CD163L1: variants seen among roughly 807,000 people sequenced by gnomAD.
CD163L1 encodes CD163 molecule like 1.
In CD163L1, 124 loss-of-function variants were observed where a neutral mutation model predicts 165.4. That is an observed-to-expected ratio of 0.75 (90% CI 0.65 to 0.87). CD163L1 has a LOEUF of 0.87. Ranked by LOEUF, CD163L1 falls within the 40% of genes least tolerant of loss-of-function variation. The pLI is 0.00. For synonymous variants in CD163L1, 585 were observed against 662.2 expected (o/e 0.88, Z 1.79); for missense variants, 1,525 against 1,799.9 (o/e 0.85, Z 2.76).
the CD163L1 span, among the ~76,000 whole-genome samples, chr12:7,320,149 ATTAGTATTTCTCTAGAT>A: frequency 6.6e-6 from 1 of 152,220 alleles, no homozygotes; most frequent in Non-Finnish European, 1.5e-5. Flanking sequence ...GCTCTAAAAC[ATTAGTATTTCTCTAGAT>A]TTAAGATGCC....
the CD163L1 span, among the ~76,000 whole-genome samples, chr12:7,331,812 A>C: frequency 6.6e-6 from 1 of 152,244 alleles, no homozygotes; most frequent in Admixed American, 6.5e-5. Context: ...CCAAAGGTAG[A>C]TAAAACCACA....
At chr12:7,440,986 A>T (rs1001653238) in intron 2 of CD163L1, among the ~76,000 whole-genome samples, 168 bp downstream of exon 2, 1 of 152,234 alleles carries the variant, frequency 6.6e-6, no homozygotes, top group Non-Finnish European at 1.5e-5. Flanking sequence ...GTAATATGAA[A>T]TGCATAAAAA....
At chr12:7,416,924 A>G (rs1315343586) in intron 4 of CD163L1, among the ~76,000 whole-genome samples, 1 of 151,964 alleles carries the variant, frequency 6.6e-6, no homozygotes, top group Non-Finnish European at 1.5e-5. Context: ...TCCATATGCA[A>G]TATGAAGTAG....
intron 4 of CD163L1, among the ~76,000 whole-genome samples, chr12:7,413,713 A>G (rs1306581610): frequency 6.6e-6 from 1 of 152,200 alleles, no homozygotes; most frequent in African/African-American, 2.4e-5. Context: ...TATCTTTTGC[A>G]GACAGCACAC....
chr12:7,379,170 C>A lies in CD163L1; in HGVS notation c.2179G>T (p.Val727Phe). Residue 727 changes from valine to phenylalanine, a missense_variant, in exon 9 of 20, where the codon GTT becomes TTT. Physicochemically the swap from Val to Phe is conservative, Grantham distance 50. Coordinates refer to ENST00000313599, the MANE Select transcript of CD163L1 (RefSeq NM_174941.6). Reference sequence around the variant, plus strand: ...GACCCACATTCAAGTTGCCTGCAAACAACTTCAGCAATGTTCATTCCCCAG... The same window carrying A: ...GACCCACATTCAAGTTGCCTGCAAAAAACTTCAGCAATGTTCATTCCCCAG... ...NGWGMNIAEV[V>F]CRQLECGSAI... 6.2e-7 allele frequency: 1 copy of A among 1,614,160 alleles called. No individual in the cohort carries two copies. The highest frequency in any genetic ancestry group is 8.5e-7 in the Non-Finnish European group (1 of 1,180,008).
chr12:7,412,641 G>T (rs1355163877), intron 4 of CD163L1, among the ~76,000 whole-genome samples: 2 of 151,114 alleles, frequency 1.3e-5, no homozygotes, highest in African/African-American at 4.9e-5. Flanking sequence ...GAAGATCACA[G>T]GAAAAAAAAA....
downstream of CD163L1, among the ~76,000 whole-genome samples, chr12:7,343,708 A>G (rs1010529787): frequency 6.6e-6 from 1 of 152,186 alleles, no homozygotes; most frequent in African/African-American, 2.4e-5. Flanking sequence ...CCCAACTTCA[A>G]TATTGGGGAT....
In CD163L1 at chr12:7,427,464, A is replaced by G. The variant is rs761637727; in HGVS notation, c.766+4952T>C. Among the ~76,000 whole-genome samples, 7 of 152,268 alleles carry G rather than the reference A, an allele frequency of 4.6e-5. No homozygotes were observed. The South Asian group carries it at 1.5e-3, about 32-fold the overall frequency. On this transcript the variant is annotated intron_variant, in intron 4 of 19. Transcript: ENST00000313599. ...CTGTATTGCATGCTTAAAAGCAGCTACGAAGGTAGATACTATGTTAAATGT... is the reference window on the plus strand; with the variant it reads ...CTGTATTGCATGCTTAAAAGCAGCTGCGAAGGTAGATACTATGTTAAATGT...
chr12:7,436,729 T>G (rs903116236), intron 2 of CD163L1, among the ~76,000 whole-genome samples: 6 of 152,102 alleles, frequency 3.9e-5, no homozygotes, highest in African/African-American at 1.4e-4. Flanking sequence ...CAATAAAATT[T>G]TATTTAAACT....
the CD163L1 span, among the ~76,000 whole-genome samples, chr12:7,326,205 T>C: frequency 6.6e-6 from 1 of 152,094 alleles, no homozygotes; most frequent in Non-Finnish European, 1.5e-5. Flanking sequence ...GGCTTTTGGC[T>C]TTGTTTTGTT....
intron 6 of CD163L1, among the ~76,000 whole-genome samples, chr12:7,399,633 C>T (rs1947876557): frequency 6.6e-6 from 1 of 150,424 alleles, no homozygotes; most frequent in Non-Finnish European, 1.5e-5. Flanking sequence ...TGTCCAGGGT[C>T]TTGCTCTGTC....
the CD163L1 span, chr12:7,320,946 G>A: frequency 1.5e-4 from 113 of 775,750 alleles, 1 homozygote; most frequent in African/African-American, 7.0e-4. Context: ...TTCTATCGTC[G>A]GAGGACGGTC....
chr12:7,396,030 G>T (rs776727326), intron 8 of CD163L1, 65 bp downstream of exon 8: 4 of 1,338,314 alleles, frequency 3.0e-6, no homozygotes, highest in Non-Finnish European at 4.1e-6. Flanking sequence ...TGACTAAGAA[G>T]AAAGAAGGTA....
chr12:7,364,462 T>A (rs943312020), intron 18 of CD163L1, among the ~76,000 whole-genome samples: 1 of 152,078 alleles, frequency 6.6e-6, no homozygotes, highest in Non-Finnish European at 1.5e-5. Context: ...GAGAAAGACA[T>A]ATGGGGCATC....
chr12:7,439,678 A>T, intron 2 of CD163L1: 1 of 1,612,942 alleles, frequency 6.2e-7, no homozygotes, highest in Non-Finnish European at 8.5e-7. Flanking sequence ...CCTAAATTCA[A>T]GAAGCACTTC....
At chr12:7,438,933 C>T in intron 2 of CD163L1, 1 of 1,606,414 alleles carries the variant, frequency 6.2e-7, no homozygotes, top group Non-Finnish European at 8.5e-7. Context: ...GTTTTCTTCT[C>T]TAAGAATGCG....
At chr12:7,332,003 C>T in the CD163L1 span, among the ~76,000 whole-genome samples, 9 of 151,870 alleles carry the variant, frequency 5.9e-5, no homozygotes, top group African/African-American at 1.5e-4. Context: ...GGAGGAAGTT[C>T]GAACCAATGG....
intron 4 of CD163L1, among the ~76,000 whole-genome samples, chr12:7,416,510 T>TG (rs1280140752): frequency 6.6e-6 from 1 of 152,214 alleles, no homozygotes; most frequent in Non-Finnish European, 1.5e-5. Context: ...TTGTCCTGAA[T>TG]GGTATTGCCT....
chr12:7,367,258 G>T lies in CD163L1; in HGVS notation c.4257C>A (p.Asp1419Glu). ...HEMETCLKREDPHGTRTSDDT... is the reference protein window; with the variant it reads ...HEMETCLKREEPHGTRTSDDT... ...GACCTGAGGTTCTTGTCCCATGTGGGTCCTCTCTCTTGAGGCAGGTCTCCA... is the reference window on the plus strand; with the variant it reads ...GACCTGAGGTTCTTGTCCCATGTGGTTCCTCTCTCTTGAGGCAGGTCTCCA... Residue 1419 changes from aspartate (D) to glutamate (E), a missense_variant, in exon 18 of 20, where the codon GAC becomes GAA. Asp to Glu is a conservative substitution (Grantham distance 45, BLOSUM62 2). Coordinates refer to ENST00000313599, the MANE Select transcript of CD163L1 (RefSeq NM_174941.6). 2 of 1,612,926 alleles carry T rather than the reference G, an allele frequency of 1.2e-6. No individual in the cohort carries two copies. The highest frequency in any genetic ancestry group is 1.7e-6 in the Non-Finnish European group (2 of 1,179,128).
Sources: allele counts gnomAD v4.1 joint callset (sites outside exome capture counted in the v4.1 genomes callset), GRCh38; gene constraint gnomAD v4.1.1; transcripts MANE v1.5; gene names NCBI Gene and HGNC (gene_info 2026-07-23, HGNC 2026-07-21).